The following MXRA7 variants were observed in gnomAD, a reference collection of about 807,000 sequenced individuals.
MXRA7 encodes matrix-remodeling-associated protein 7.
Under a neutral mutation model 17.4 loss-of-function variants are expected in MXRA7, and 18 were observed. The observed-to-expected ratio is 1.03, with a 90% CI of 0.71 to 1.53. The LOEUF (loss-of-function observed/expected upper bound fraction) is 1.53, where lower values mean the gene tolerates loss of function less well. Among genes scored for constraint, MXRA7 ranks in the 40% most tolerant of loss-of-function variants. The pLI, the probability that MXRA7 is intolerant of heterozygous loss-of-function variation, is 0.00. For synonymous variants in MXRA7, 70 were observed against 101.7 expected (o/e 0.69, Z 1.87); for missense variants, 141 against 209.3 (o/e 0.67, Z 2.01).
At chr17:76,685,671 C>T (rs11077855) in intron 2 of MXRA7, among the ~76,000 whole-genome samples, 52,519 of 152,146 alleles carry the variant, frequency 0.35, 9,279 homozygotes, top group Non-Finnish European at 0.38. Context: ...ACGTGTGTAC[C>T]GCTGAAGAGG....
chr17:76,704,944 C>T (rs565939392), intron 1 of MXRA7, among the ~76,000 whole-genome samples: 5 of 152,148 alleles, frequency 3.3e-5, no homozygotes, highest in Non-Finnish European at 5.9e-5. Flanking sequence ...ATACTCCTAA[C>T]CATCAGGGAT....
chr17:76,707,025 T>C (rs1002375738), intron 1 of MXRA7, among the ~76,000 whole-genome samples: 1 of 152,160 alleles, frequency 6.6e-6, no homozygotes, highest in African/African-American at 2.4e-5. Flanking sequence ...ATAAGGACAT[T>C]GTTTACACAG....
chr17:76,684,678 G>A (rs1373503890), intron 3 of MXRA7: 1 of 446,904 alleles, frequency 2.2e-6, no homozygotes, highest in Non-Finnish European at 4.4e-6. Context: ...GTGTCCCGAA[G>A]GAGAAATGGA....
intron 1 of MXRA7, among the ~76,000 whole-genome samples, chr17:76,699,315 T>A (rs1233147865): frequency 6.6e-6 from 1 of 152,084 alleles, no homozygotes; most frequent in Non-Finnish European, 1.5e-5. Context: ...CCAGCTAGTT[T>A]TCTTATTTTT....
chr17:76,688,090 A>C (rs1284846355), intron 2 of MXRA7, 23 bp downstream of exon 2: 13 of 1,604,682 alleles, frequency 8.1e-6, no homozygotes, highest in Non-Finnish European at 1.1e-5. Context: ...AGGCCCCCTC[A>C]TGAGCGCAGA....
rs1327017487 is a variant in MXRA7 at position 76,682,000 on chromosome 17, C to T, written c.501-1121G>A. On this transcript the variant is annotated intron_variant, in intron 3 of 3. Transcript: ENST00000449428. This position sits in a 1 kb window ranked among gnomAD's most constrained non-coding sequence, Gnocchi z 4.7. ...GGGGAGAGCTGAGGAGGCGGGCAGA[C>T]AGTGGCAAGCAGGATCTTAAGCAGC... Among the ~76,000 whole-genome samples, 2 of 152,210 alleles carry T rather than the reference C, an allele frequency of 1.3e-5. No homozygotes were observed. Among genetic ancestry groups the T allele is most frequent in the African/African-American group, 4.8e-5 (2 of 41,444 alleles).
chr17:76,676,308 T>G (rs1189286632), downstream of MXRA7: 1 of 152,252 alleles, frequency 6.6e-6, no homozygotes, highest in Non-Finnish European at 1.5e-5. Flanking sequence ...AGCATAGTTC[T>G]AATTAAATAC....
At chr17:76,709,063 C>G (rs1019898248) in intron 1 of MXRA7, among the ~76,000 whole-genome samples, 80 of 152,096 alleles carry the variant, frequency 5.3e-4, no homozygotes, top group Admixed American at 1.5e-3. Context: ...TGCTGAGAGC[C>G]GAAAGCCTTG....
chr17:76,679,286 T>TG (rs1416768492), downstream of MXRA7, among the ~76,000 whole-genome samples: 1 of 47,598 alleles, frequency 2.1e-5, no homozygotes, highest in African/African-American at 6.6e-5. Flanking sequence ...AGGCCCTGTC[T>TG]CAAAAAAAAA....
intron 1 of MXRA7, among the ~76,000 whole-genome samples, chr17:76,696,509 G>T (rs2076534081): frequency 1.3e-5 from 2 of 151,952 alleles, no homozygotes; most frequent in South Asian, 4.2e-4. Flanking sequence ...GACAGTGGGA[G>T]ACCCTGCCTC....
intron 1 of MXRA7, among the ~76,000 whole-genome samples, chr17:76,705,681 C>CCT (rs1169522381): frequency 2.0e-5 from 3 of 152,066 alleles, no homozygotes; most frequent in Non-Finnish European, 4.4e-5. Flanking sequence ...AAGAGACATC[C>CCT]CTCTCTCTCT....
Position 76,702,767 on chromosome 17 carries a change from G to A in MXRA7, c.342+7838C>T, listed in dbSNP as rs550103759. 2.8e-4 allele frequency among the ~76,000 whole-genome samples: 43 copies of A among 151,240 alleles called. No homozygotes were observed. In the South Asian group the frequency reaches 7.3e-3, roughly 26 times the overall value. ...TTTGGGAGCCTGAGGCAAGAGAATC[G>A]CTGGAACCTGGGAGGGGTAGGTTGC... On this transcript the variant is annotated intron_variant, in intron 1 of 3. Coordinates refer to ENST00000449428, the MANE Select transcript of MXRA7 (RefSeq NM_198530.4).
At chr17:76,674,581 G>A (rs371076281), downstream of MXRA7, 1 of 152,122 alleles carries the variant, frequency 6.6e-6, no homozygotes, top group East Asian at 1.9e-4. Context: ...CCCTGTCCTG[G>A]ACCTCATAGG....
chr17:76,685,171 GA>G lies in MXRA7; in HGVS notation c.407-7del. The G allele has an allele frequency of 6.2e-7, 1 of 1,611,284 alleles. No individual in the cohort carries two copies. The highest frequency in any genetic ancestry group is 8.5e-7 in the Non-Finnish European group (1 of 1,177,430). On this transcript the variant is annotated splice_polypyrimidine_tract_variant and splice_region_variant and intron_variant, in intron 2 of 3. Transcript: ENST00000449428. ...TTTGAAGGAGAAGCCTTCTCCTGTG[GA>G]GGGGGGACCCAGTAAGTGCCAGGAG...
At chr17:76,698,715 T>G (rs866413906) in intron 1 of MXRA7, among the ~76,000 whole-genome samples, 1,009 of 13,856 alleles carry the variant, frequency 0.073, 14 homozygotes, top group African/African-American at 0.16. Context: ...CCTTTCTGTT[T>G]TTTTTTTTTT....
chr17:76,679,471 C>T (rs1248289036), downstream of MXRA7: 1 of 363,062 alleles, frequency 2.8e-6, no homozygotes, highest in Non-Finnish European at 3.8e-6. Flanking sequence ...TACTCTGCTG[C>T]AGAGTAAGAG....
intron 1 of MXRA7, among the ~76,000 whole-genome samples, chr17:76,705,731 C>G (rs1218344081): frequency 6.6e-6 from 1 of 152,106 alleles, no homozygotes; most frequent in African/African-American, 2.4e-5. Context: ...TGTCTGCAGG[C>G]CAAAAAGAGA....
chr17:76,680,908 A>G, intron 3 of MXRA7, 29 bp from the exon 4 acceptor site: 1 of 1,565,064 alleles, frequency 6.4e-7, no homozygotes, highest in Non-Finnish European at 8.8e-7. Context: ...AGAAAAAGAT[A>G]ATTTATTTTA....
intron 3 of MXRA7, among the ~76,000 whole-genome samples, chr17:76,682,588 A>C (rs780750014): frequency 1.3e-5 from 2 of 152,054 alleles, no homozygotes; most frequent in Non-Finnish European, 2.9e-5. Context: ...TGCAACCCCA[A>C]GCATCACCGT....
Sources: gnomAD v4.1 joint callset for allele counts (sites outside exome capture counted in the v4.1 genomes callset) on GRCh38, gnomAD v4.1.1 for gene constraint, Gnocchi (gnomAD v3.1) non-coding constraint, MANE v1.5 for transcripts, NCBI Gene and HGNC (gene_info 2026-07-23, HGNC 2026-07-21) for gene names.